Variants in IPO7 observed in about 807,000 individuals in gnomAD.
The protein encoded by IPO7 is importin 7.
In IPO7, 13 loss-of-function variants were observed where a neutral mutation model predicts 136.4. The observed-to-expected ratio is 0.10, with a 90% CI of 0.06 to 0.15. IPO7 has a LOEUF of 0.15. Among genes scored for constraint, IPO7 ranks in the 10% least tolerant of loss-of-function variants. The pLI is 1.00. For synonymous variants in IPO7, 403 were observed against 404.4 expected (o/e 1.00, Z 0.04); for missense variants, 857 against 1,240.6 (o/e 0.69, Z 4.65).
At chr11:9,442,049 G>A (rs1254902361) in intron 23 of IPO7, 32 bp from the exon 24 acceptor site, 1 of 1,046,492 alleles carries the variant, frequency 9.6e-7, no homozygotes, top group Non-Finnish European at 1.5e-6. Flanking sequence ...TCTTATTCAT[G>A]TTGTTTTTCC....
At chr11:9,420,294 C>CA (rs34703286) in intron 6 of IPO7, 117 bp from the exon 7 acceptor site, 27,736 of 476,370 alleles carry the variant, frequency 0.058, no homozygotes, top group East Asian at 0.077. Flanking sequence ...GACTCCATCT[C>CA]AAAAAAAAAA....
intron 22 of IPO7, 143 bp from the exon 23 acceptor site, chr11:9,440,312 A>G (rs929759789): frequency 9.0e-6 from 6 of 666,782 alleles, no homozygotes; most frequent in Non-Finnish European, 1.3e-5. Flanking sequence ...TCATTATTGA[A>G]CATGTATTTA....
intron 1 of IPO7, among the ~76,000 whole-genome samples, chr11:9,387,700 G>A (rs552936651): frequency 6.6e-5 from 10 of 151,880 alleles, no homozygotes; most frequent in African/African-American, 2.2e-4. Flanking sequence ...GCGCGGTGGC[G>A]CATGCTTGTA....
chr11:9,439,678 C>T (rs186995521), intron 22 of IPO7, among the ~76,000 whole-genome samples: 17 of 151,588 alleles, frequency 1.1e-4, no homozygotes, highest in African/African-American at 3.6e-4. Context: ...CGGGTTCAAG[C>T]GATTCTCCTG....
In IPO7 at chr11:9,403,314, T is replaced by G; in HGVS notation, c.109T>G (p.Ser37Ala). ...NEAHKSLNFV[S>A]TLLQITMSEQ... ...GGCACACAAGTCTCTGAATTTTGTC[T>G]CAACACTGCTCCAGATTACTATGTC... Residue 37 changes from serine (S) to alanine (A), a missense_variant, in exon 2 of 25, where the codon TCA (serine) becomes GCA (alanine). Ser to Ala is a moderately conservative substitution (Grantham distance 99, BLOSUM62 1). Transcript: ENST00000379719. 5 of 1,613,716 alleles carry G rather than the reference T, an allele frequency of 3.1e-6. No individual in the cohort carries two copies. The highest frequency in any genetic ancestry group is 4.2e-6 in the Non-Finnish European group (5 of 1,179,814).
chr11:9,427,616 T>C (rs1484664953), intron 12 of IPO7, among the ~76,000 whole-genome samples: 1 of 152,204 alleles, frequency 6.6e-6, no homozygotes, highest in Non-Finnish European at 1.5e-5. Context: ...ATAAAGTATG[T>C]ATTAAAGACA....
chr11:9,423,189 A>G, intron 9 of IPO7, 49 bp downstream of exon 9: 1 of 1,254,770 alleles, frequency 8.0e-7, no homozygotes, highest in Non-Finnish European at 1.1e-6. Context: ...AATAGAAATG[A>G]CATCAATTGC....
intron 2 of IPO7, among the ~76,000 whole-genome samples, chr11:9,404,163 T>C (rs1268336406): frequency 1.3e-5 from 2 of 152,200 alleles, no homozygotes; most frequent in African/African-American, 4.8e-5. Context: ...CCTGCACCTA[T>C]TTTGTTAAAA....
At chr11:9,425,941 G>A (rs901650782) in intron 12 of IPO7, among the ~76,000 whole-genome samples, 5 of 151,890 alleles carry the variant, frequency 3.3e-5, no homozygotes, top group Non-Finnish European at 4.4e-5. Context: ...AGCTACTTAG[G>A]AGGCTGAGGC....
intron 2 of IPO7, among the ~76,000 whole-genome samples, chr11:9,407,027 T>G (rs1590433335): frequency 6.6e-6 from 1 of 152,354 alleles, no homozygotes; most frequent in East Asian, 1.9e-4. Flanking sequence ...ATGAGATCCT[T>G]ACAGTGCAAT....
chr11:9,404,599 T>G (rs1477405203), intron 2 of IPO7, among the ~76,000 whole-genome samples: 2 of 145,028 alleles, frequency 1.4e-5, no homozygotes, highest in Non-Finnish European at 3.0e-5. Flanking sequence ...GGAGTCTCGC[T>G]CTGTTGCCCA....
chr11:9,435,551 G>T (rs1267267918), intron 19 of IPO7, among the ~76,000 whole-genome samples: 2 of 152,150 alleles, frequency 1.3e-5, no homozygotes, highest in African/African-American at 4.8e-5. Flanking sequence ...GAAGTTTTTA[G>T]ATTTCTTTCA....
chr11:9,441,079 ATCTTATAATTCTTTTTT>A (rs1207476631), intron 23 of IPO7, among the ~76,000 whole-genome samples: 2 of 152,154 alleles, frequency 1.3e-5, no homozygotes, highest in African/African-American at 4.8e-5. Context: ...ATGGCATATG[ATCTTATAATTCTTTTTT>A]TCCTATATTC....
chr11:9,446,634 C>A lies in IPO7; in HGVS notation c.*1440C>A, dbSNP rs147869424. 2.0e-5 allele frequency: 3 copies of A among 152,052 alleles called. No individual in the cohort carries two copies. The highest frequency in any genetic ancestry group is 4.4e-5 in the Non-Finnish European group (3 of 68,008). 9.4% of individuals were successfully genotyped at this position (152,052 alleles called of 1,614,324 possible). A position where few individuals can be genotyped will look rare whatever the true frequency, so the allele number is the denominator to read the frequency against. On this transcript the variant is annotated 3_prime_UTR_variant, in exon 25 of 25. Transcript: ENST00000379719. ...TACACAAAATATTTCAAATTGAAAG[C>A]AACATCTTAATGGATTCAAAACTAT... is the stretch of plus-strand genomic sequence containing the variant.
intron 12 of IPO7, among the ~76,000 whole-genome samples, chr11:9,427,960 G>A (rs1451175588): frequency 6.6e-6 from 1 of 152,112 alleles, no homozygotes; most frequent in African/African-American, 2.4e-5. Context: ...TGCAGTTTAA[G>A]GAACTCTTCT....
chr11:9,394,844 A>C (rs2133721946), intron 1 of IPO7, among the ~76,000 whole-genome samples: 1 of 152,338 alleles, frequency 6.6e-6, no homozygotes, highest in Non-Finnish European at 1.5e-5. Context: ...AGATGAATTA[A>C]GTGTGACTAT....
chr11:9,397,688 C>T (rs77899700), intron 1 of IPO7, among the ~76,000 whole-genome samples: 2,008 of 151,746 alleles, frequency 0.013, 46 homozygotes, highest in African/African-American at 0.047. Flanking sequence ...GCTTTGTGGG[C>T]GATTTAAGGA....
At chr11:9,414,173 G>T in intron 4 of IPO7, 82 bp from the exon 5 acceptor site, 15 of 970,250 alleles carry the variant, frequency 1.5e-5, no homozygotes, top group South Asian at 6.3e-5. Context: ...GATTATATTT[G>T]TGTAAATAAA....
intron 1 of IPO7, among the ~76,000 whole-genome samples, chr11:9,400,426 A>AT (rs112285427): frequency 0.05 from 7,394 of 146,440 alleles, 240 homozygotes; most frequent in South Asian, 0.079. Context: ...TAAATAAGTA[A>AT]TTTTTTTTTT....
Sources: allele counts gnomAD v4.1 joint callset (sites outside exome capture counted in the v4.1 genomes callset), GRCh38; gene constraint gnomAD v4.1.1; transcripts MANE v1.5; gene names NCBI Gene and HGNC (gene_info 2026-07-23, HGNC 2026-07-21).